SYT17: variants seen among roughly 807,000 people sequenced by gnomAD.
SYT17 encodes synaptotagmin 17.
Under a neutral mutation model 46.7 loss-of-function variants are expected in SYT17, and 22 were observed. The ratio of observed to expected loss-of-function variants is 0.47; its 90% CI spans 0.34 to 0.67. SYT17 has a LOEUF of 0.67. SYT17 is among the 30% of genes least tolerant of loss of function. SYT17 has a pLI of 0.01. For missense variants in SYT17, 519 were observed against 612.8 expected, an observed-to-expected ratio of 0.85 and a Z score of 1.62; for synonymous variants, 251 against 248.4, an observed-to-expected ratio of 1.01 and a Z score of -0.10.
chr16:19,221,514 C>T (rs1261253525), intron 5 of SYT17, among the ~76,000 whole-genome samples: 1 of 152,184 alleles, frequency 6.6e-6, no homozygotes, highest in Non-Finnish European at 1.5e-5. Flanking sequence ...AATACACCTG[C>T]AGGCTGTTTG....
intron 5 of SYT17, among the ~76,000 whole-genome samples, chr16:19,198,514 T>C (rs905409750): frequency 1.3e-5 from 2 of 152,258 alleles, no homozygotes; most frequent in African/African-American, 4.8e-5. Context: ...ATTACTGTTC[T>C]AAGGGCTTTC....
At chr16:19,245,038 A>T (rs925699292) in intron 7 of SYT17, among the ~76,000 whole-genome samples, 12 of 152,174 alleles carry the variant, frequency 7.9e-5, no homozygotes, top group African/African-American at 2.4e-4. Flanking sequence ...TGCTTGCTCC[A>T]CGACCTCCCT....
In SYT17 at chr16:19,168,340, G is replaced by C. The variant is rs1271058431; in HGVS notation, c.-307G>C. Reference sequence around the variant, plus strand: ...GCCCAGGCGCCCCGGCCTTATTCCAGCCTGGGGAGCGCCTCGGTGGGGAGC... The same window carrying C: ...GCCCAGGCGCCCCGGCCTTATTCCACCCTGGGGAGCGCCTCGGTGGGGAGC... On this transcript the variant is annotated 5_prime_UTR_variant, in exon 1 of 8. Coordinates refer to ENST00000355377, the MANE Select transcript of SYT17 (RefSeq NM_016524.4). This position sits in a 1 kb window ranked among gnomAD's most constrained non-coding sequence, Gnocchi z 6.9. The C allele has an allele frequency of 8.6e-6, 4 of 465,536 alleles. No individual in the cohort carries two copies. The highest frequency in any genetic ancestry group is 1.5e-5 in the Non-Finnish European group (4 of 263,702). The allele number at this position is 465,536 out of a possible 1,614,324, so 28.8% of individuals were successfully genotyped here.
In SYT17 at chr16:19,184,072, A is replaced by G; in HGVS notation, c.876A>G (p.Lys292=). The G allele has an allele frequency of 6.2e-7, 1 of 1,614,164 alleles. No homozygotes were observed. Among genetic ancestry groups the G allele is most frequent in the Non-Finnish European group, 8.5e-7 (1 of 1,180,036 alleles). The change falls in exon 5 of 8, where the codon AAA becomes AAG. Residue 292 remains lysine (K), a synonymous_variant. Coordinates refer to ENST00000355377, the MANE Select transcript of SYT17 (RefSeq NM_016524.4). ...DKFSRHCVIG[K]VSVPLCEVDL... ...TCTCCCGCCACTGTGTCATTGGGAA[A>G]GTTTCTGTGCCTTTGTGTGAAGTTG...
chr16:19,220,926 T>C (rs1388869421), intron 5 of SYT17, among the ~76,000 whole-genome samples: 2 of 151,968 alleles, frequency 1.3e-5, no homozygotes, highest in Non-Finnish European at 2.9e-5. Context: ...GCATGATGGC[T>C]CATGCCTGTT....
At chr16:19,179,795 T>C (rs1391226613) in intron 3 of SYT17, among the ~76,000 whole-genome samples, 2 of 152,172 alleles carry the variant, frequency 1.3e-5, no homozygotes, top group Non-Finnish European at 2.9e-5. Context: ...TCTCAGCAGT[T>C]CTTTATTGGG....
intron 5 of SYT17, among the ~76,000 whole-genome samples, chr16:19,204,629 C>G (rs762958847): frequency 3.9e-5 from 6 of 152,068 alleles, no homozygotes; most frequent in Non-Finnish European, 5.9e-5. Context: ...TGAGTGATCT[C>G]ATCTGATGCC....
At chr16:19,184,598 G>A (rs1291284795) in intron 5 of SYT17, among the ~76,000 whole-genome samples, 1 of 150,584 alleles carries the variant, frequency 6.6e-6, no homozygotes, top group Non-Finnish European at 1.5e-5. Context: ...GGTTTTCCGT[G>A]TTATCCAGGA....
At chr16:19,182,015 A>AAG (rs1285853112) in intron 4 of SYT17, among the ~76,000 whole-genome samples, 2 of 151,902 alleles carry the variant, frequency 1.3e-5, no homozygotes, top group African/African-American at 4.8e-5. Context: ...AAAAAAAAAA[A>AAG]AGAGAGAGAG....
chr16:19,180,248 C>G, intron 3 of SYT17, 143 bp from the exon 4 acceptor site: 1 of 815,094 alleles, frequency 1.2e-6, no homozygotes, highest in East Asian at 2.5e-5. Flanking sequence ...TTTAAGGACA[C>G]CACACTGTCA....
Position 19,251,501 on chromosome 16 carries a change from G to A in SYT17, c.1229-15379G>A, listed in dbSNP as rs576041475. Among the ~76,000 whole-genome samples the A allele has an allele frequency of 5.9e-5, 9 of 152,316 alleles. No homozygotes were observed. In the South Asian group the frequency reaches 1.9e-3, roughly 32 times the overall value. ...GAGATGCTGCAGGTCTGTGGTGTGT[G>A]TCTGAGTTCTAGGGCCAGGACTTTG... On this transcript the variant is annotated intron_variant, in intron 7 of 7. Transcript: ENST00000355377.
rs1053202387 is a variant in SYT17 at position 19,180,538 on chromosome 16, G to A, written c.330G>A (p.Ser110=). 3 of 1,614,064 alleles carry A rather than the reference G, an allele frequency of 1.9e-6. No homozygotes were observed. The highest frequency in any genetic ancestry group is 2.5e-6 in the Non-Finnish European group (3 of 1,180,012). ...CATACAGCCTGACGCGGAGGATTTC[G>A]AGTAAGTATCTCTGCTTTACCTTTC... ...KSTYSLTRRI[S]SLESRRPSSP... The change falls in exon 4 of 8, where the codon TCG becomes TCA. Residue 110 remains serine (S), a splice_region_variant and synonymous_variant. Transcript: ENST00000355377.
At chr16:19,231,014 TTATC>T (rs1400054973) in intron 7 of SYT17, among the ~76,000 whole-genome samples, 1 of 152,196 alleles carries the variant, frequency 6.6e-6, no homozygotes, top group East Asian at 1.9e-4. Flanking sequence ...ATAATATAGT[TTATC>T]TACGTTGTCT....
chr16:19,189,031 C>T (rs1459661890), intron 5 of SYT17, among the ~76,000 whole-genome samples: 3 of 152,072 alleles, frequency 2.0e-5, no homozygotes, highest in Non-Finnish European at 2.9e-5. Flanking sequence ...GGACTACAGG[C>T]GCCCACCACC....
intron 7 of SYT17, among the ~76,000 whole-genome samples, chr16:19,232,771 G>T (rs545617401): frequency 6.6e-6 from 1 of 152,134 alleles, no homozygotes; most frequent in African/African-American, 2.4e-5. Context: ...GGTGGAGGTT[G>T]CAGTGACCCG....
intron 5 of SYT17, among the ~76,000 whole-genome samples, chr16:19,201,695 C>T (rs1965473210): frequency 6.9e-6 from 1 of 143,898 alleles, no homozygotes; most frequent in South Asian, 2.2e-4. Context: ...AAAAAAAGAC[C>T]AATAGATCTA....
chr16:19,191,754 T>G (rs537998132), intron 5 of SYT17, among the ~76,000 whole-genome samples: 82 of 152,220 alleles, frequency 5.4e-4, no homozygotes, highest in African/African-American at 1.8e-3. Flanking sequence ...TATCTAAGAG[T>G]GTGCACTGTA....
intron 5 of SYT17, among the ~76,000 whole-genome samples, chr16:19,202,635 A>C (rs941323799): frequency 1.3e-4 from 20 of 152,312 alleles, no homozygotes; most frequent in African/African-American, 4.8e-4. Context: ...CAACCTTTTA[A>C]TCATGCTTTG....
intron 7 of SYT17, among the ~76,000 whole-genome samples, chr16:19,246,544 A>T (rs1296839913): frequency 6.6e-6 from 1 of 152,224 alleles, no homozygotes; most frequent in Non-Finnish European, 1.5e-5. Context: ...AACCACTTGT[A>T]ACATCTAGGC....
Sources: allele counts gnomAD v4.1 joint callset (sites outside exome capture counted in the v4.1 genomes callset), GRCh38; gene constraint gnomAD v4.1.1; non-coding constraint Gnocchi (gnomAD v3.1); transcripts MANE v1.5; gene names NCBI Gene and HGNC (gene_info 2026-07-23, HGNC 2026-07-21).